Variants in NCAM2 observed in about 807,000 individuals in gnomAD.
NCAM2 encodes the protein neural cell adhesion molecule 2.
A neutral mutation model predicts 98.1 loss-of-function variants in NCAM2; 30 were observed. The observed-to-expected ratio is 0.31, with a 90% CI of 0.23 to 0.41. The LOEUF is 0.41. Among genes scored for constraint, NCAM2 ranks in the 10% least tolerant of loss-of-function variants. The pLI is 1.00. For missense variants in NCAM2, 867 were observed against 1,005.8 expected, an observed-to-expected ratio of 0.86 and a Z score of 1.87; for synonymous variants, 368 against 342.4, an observed-to-expected ratio of 1.07 and a Z score of -0.83.
intron 1 of NCAM2, among the ~76,000 whole-genome samples, chr21:21,016,387 C>T (rs57870708): frequency 0.012 from 1,899 of 152,054 alleles, 32 homozygotes; most frequent in African/African-American, 0.043. Context: ...CATATTTATG[C>T]GCTTCGTATG....
intron 1 of NCAM2, among the ~76,000 whole-genome samples, chr21:21,163,792 T>C (rs1281540757): frequency 2.0e-5 from 3 of 152,160 alleles, no homozygotes; most frequent in African/African-American, 4.8e-5. Context: ...GATAAACAAA[T>C]TGAAGTGAGA....
intron 1 of NCAM2, chr21:21,147,033 C>G (rs1048807366): frequency 2.4e-5 from 22 of 908,950 alleles, no homozygotes; most frequent in Non-Finnish European, 2.4e-5. Flanking sequence ...CGCGCCCTGT[C>G]CCACTCCGGA....
chr21:20,998,552 C>A lies in NCAM2; in HGVS notation c.-12C>A. ...TAACTTTGAAACTGTCCACCGGTGT[C>A]ACGTCCTGAACATGAGCCTCCTCCT... is the stretch of plus-strand genomic sequence containing the variant. On this transcript the variant is annotated 5_prime_UTR_variant, in exon 1 of 18. Transcript: ENST00000400546. 1 of 1,613,754 alleles carries A rather than the reference C, an allele frequency of 6.2e-7. No individual in the cohort carries two copies. Among genetic ancestry groups the A allele is most frequent in the Non-Finnish European group, 8.5e-7 (1 of 1,179,734 alleles).
chr21:21,132,394 C>CTTTTT (rs10679055), intron 1 of NCAM2, among the ~76,000 whole-genome samples: 32 of 149,564 alleles, frequency 2.1e-4, no homozygotes, highest in African/African-American at 7.1e-4. Context: ...TCTGTAAAGT[C>CTTTTT]TTTTTTTTTT....
At chr21:21,061,409 T>C (rs918101337) in intron 1 of NCAM2, among the ~76,000 whole-genome samples, 2 of 152,174 alleles carry the variant, frequency 1.3e-5, no homozygotes, top group Admixed American at 1.3e-4. Context: ...GATAATCACA[T>C]AATTTAGATT....
chr21:21,072,401 C>G (rs1269622204), intron 1 of NCAM2, among the ~76,000 whole-genome samples: 1 of 152,062 alleles, frequency 6.6e-6, no homozygotes, highest in African/African-American at 2.4e-5. Flanking sequence ...AAGGACAAAT[C>G]TAAGATCTTC....
At chr21:21,386,310 G>A (rs965289910) in intron 9 of NCAM2, among the ~76,000 whole-genome samples, 2 of 152,014 alleles carry the variant, frequency 1.3e-5, no homozygotes, top group African/African-American at 4.8e-5. Flanking sequence ...AAATTCCTTG[G>A]TCATAGCAGA....
chr21:21,452,932 T>G (rs1304389933), intron 12 of NCAM2, among the ~76,000 whole-genome samples: 1 of 98,922 alleles, frequency 1.0e-5, no homozygotes, highest in Non-Finnish European at 1.8e-5. Context: ...TTATATAATA[T>G]ATATAATATA....
intron 1 of NCAM2, among the ~76,000 whole-genome samples, chr21:21,092,318 CTT>C (rs2066029851): frequency 6.6e-6 from 1 of 151,872 alleles, no homozygotes; most frequent in Admixed American, 6.6e-5. Context: ...TTTAAGTAGA[CTT>C]CTTATAATAT....
At chr21:21,415,181 C>T (rs558997466) in intron 10 of NCAM2, among the ~76,000 whole-genome samples, 8 of 152,022 alleles carry the variant, frequency 5.3e-5, no homozygotes, top group Non-Finnish European at 1.0e-4. Context: ...AGAGATTCAA[C>T]AGGTCCTTGG....
At chr21:21,102,599 CG>C (rs1359386874) in intron 1 of NCAM2, among the ~76,000 whole-genome samples, 1 of 151,724 alleles carries the variant, frequency 6.6e-6, no homozygotes, top group Non-Finnish European at 1.5e-5. Context: ...GTTAACTATG[CG>C]TAAAGCTCTG....
intron 1 of NCAM2, among the ~76,000 whole-genome samples, chr21:21,187,443 A>G (rs1165639482): frequency 1.3e-5 from 2 of 150,880 alleles, no homozygotes; most frequent in East Asian, 4.0e-4. Context: ...TTCTCCATCA[A>G]CAACAACAAC....
intron 8 of NCAM2, among the ~76,000 whole-genome samples, chr21:21,365,365 C>T (rs141656298): frequency 5.8e-4 from 88 of 151,748 alleles, no homozygotes; most frequent in African/African-American, 1.7e-3. Context: ...AAAAGTTGTT[C>T]CCAACTCACC....
intron 1 of NCAM2, among the ~76,000 whole-genome samples, chr21:21,123,149 C>G (rs1199471882): frequency 3.0e-5 from 1 of 33,458 alleles, no homozygotes; most frequent in Non-Finnish European, 5.4e-5. Flanking sequence ...AATCCCAGCA[C>G]TTTGGAAGGC....
At chr21:21,081,964 G>A (rs1017152615) in intron 1 of NCAM2, among the ~76,000 whole-genome samples, 3 of 150,526 alleles carry the variant, frequency 2.0e-5, no homozygotes, top group Non-Finnish European at 4.4e-5. Flanking sequence ...TGGGCCGGGC[G>A]CGGTGGCTCA....
chr21:21,459,417 T>C (rs552464505), intron 12 of NCAM2, among the ~76,000 whole-genome samples: 38 of 147,448 alleles, frequency 2.6e-4, no homozygotes, highest in East Asian at 3.9e-4. Flanking sequence ...AATATGTATA[T>C]ACACACACAC....
chr21:21,420,885 C>A (rs912238644), intron 11 of NCAM2, among the ~76,000 whole-genome samples: 4 of 151,650 alleles, frequency 2.6e-5, no homozygotes, highest in African/African-American at 9.7e-5. Flanking sequence ...CTAATTCTCA[C>A]CAAAATGCAT....
chr21:21,485,292 AG>A (rs1986253572), intron 15 of NCAM2, among the ~76,000 whole-genome samples: 1 of 152,190 alleles, frequency 6.6e-6, no homozygotes, highest in Admixed American at 6.5e-5. Context: ...ATGTCTAAAA[AG>A]TTACACCCAA....
chr21:21,498,886 A>G (rs1358423462), intron 15 of NCAM2, among the ~76,000 whole-genome samples: 2 of 152,230 alleles, frequency 1.3e-5, no homozygotes, highest in Admixed American at 1.3e-4. Flanking sequence ...GGCAAAATGA[A>G]TTATAGAAGA....
Sources: allele counts gnomAD v4.1 joint callset (sites outside exome capture counted in the v4.1 genomes callset), GRCh38; gene constraint gnomAD v4.1.1; transcripts MANE v1.5; gene names NCBI Gene and HGNC (gene_info 2026-07-23, HGNC 2026-07-21).